NBAS: variants seen among roughly 807,000 people sequenced by gnomAD.
NBAS encodes NBAS subunit of NRZ tethering complex, also known as NAG/BC035112 fusion.
In NBAS, 219 loss-of-function variants were observed where a neutral mutation model predicts 302.5. The ratio of observed to expected loss-of-function variants is 0.72; its 90% CI spans 0.65 to 0.81. NBAS has a LOEUF of 0.81. NBAS is among the 30% of genes least tolerant of loss of function. The pLI is 0.00. For synonymous variants in NBAS, 1,118 were observed against 1,021.6 expected, an observed-to-expected ratio of 1.09 and a Z score of -1.80; for missense variants, 2,932 against 2,841.6, an observed-to-expected ratio of 1.03 and a Z score of -0.72.
At chr2:14,800,132 T>C in the NBAS span, among the ~76,000 whole-genome samples, 1 of 152,230 alleles carries the variant, frequency 6.6e-6, no homozygotes, top group African/African-American at 2.4e-5. Flanking sequence ...TCCTTTTAAC[T>C]TTTATTCTAC....
At chr2:14,791,715 A>T in the NBAS span, among the ~76,000 whole-genome samples, 4 of 152,034 alleles carry the variant, frequency 2.6e-5, no homozygotes, top group Non-Finnish European at 5.9e-5. Flanking sequence ...GAGGCAGAAG[A>T]ATCGCTTGAA....
intron 42 of NBAS, among the ~76,000 whole-genome samples, chr2:15,285,714 G>A (rs561825137): frequency 9.1e-4 from 139 of 152,124 alleles, no homozygotes; most frequent in African/African-American, 2.9e-3. Context: ...GTGCAATGGC[G>A]CGATCTCTGC....
At chr2:15,073,751 C>G in the NBAS span, among the ~76,000 whole-genome samples, 3 of 151,968 alleles carry the variant, frequency 2.0e-5, no homozygotes, top group Non-Finnish European at 4.4e-5. Context: ...TCTTTTTTAC[C>G]TAATATTAAG....
intron 6 of NBAS, among the ~76,000 whole-genome samples, chr2:15,545,363 C>T (rs1664059395): frequency 6.6e-6 from 1 of 151,982 alleles, no homozygotes; most frequent in Non-Finnish European, 1.5e-5. Flanking sequence ...AAAAAGAAAT[C>T]CATAAAACCC....
At chr2:15,124,625 G>A in the NBAS span, among the ~76,000 whole-genome samples, 1 of 152,190 alleles carries the variant, frequency 6.6e-6, no homozygotes, top group African/African-American at 2.4e-5. Flanking sequence ...GTTTCAGGGG[G>A]CAGGCCCAGG....
the NBAS span, among the ~76,000 whole-genome samples, chr2:14,882,398 A>T: frequency 2.6e-5 from 4 of 152,144 alleles, no homozygotes; most frequent in African/African-American, 9.7e-5. Flanking sequence ...ATCATTATGA[A>T]ATAGAAAGAT....
rs563221076 is a variant in NBAS at position 15,177,617 on chromosome 2, G to T, written c.6840+1371C>A. ...AATTTTTGTGAGAATGCCTAACACA[G>T]TGTACGAGGGTGGGGAGGAAAAAAA... On this transcript the variant is annotated intron_variant, in intron 51 of 51. Transcript: ENST00000281513. 3.7e-3 allele frequency among the ~76,000 whole-genome samples: 565 copies of T among 152,272 alleles called. 2 individuals are homozygous for T. The highest frequency in any genetic ancestry group is 5.0e-3 in the Non-Finnish European group (340 of 68,024).
At chr2:15,282,395 A>T (rs1242757740) in intron 42 of NBAS, among the ~76,000 whole-genome samples, 1 of 152,186 alleles carries the variant, frequency 6.6e-6, no homozygotes, top group Non-Finnish European at 1.5e-5. Context: ...TTTCTGTTTC[A>T]ATTCAGGAAA....
At chr2:15,018,612 A>C in the NBAS span, among the ~76,000 whole-genome samples, 1 of 151,752 alleles carries the variant, frequency 6.6e-6, no homozygotes, top group African/African-American at 2.4e-5. Flanking sequence ...TAAAATAAAA[A>C]GTTGTTTTGC....
intron 36 of NBAS, 137 bp from the exon 37 acceptor site, chr2:15,328,449 C>A: frequency 1.4e-6 from 1 of 731,362 alleles, no homozygotes; most frequent in South Asian, 1.6e-5. Flanking sequence ...ATGCCTGCTG[C>A]ATTTCCCACG....
intron 21 of NBAS, among the ~76,000 whole-genome samples, chr2:15,460,168 G>A (rs1289065850): frequency 6.6e-6 from 1 of 152,134 alleles, no homozygotes; most frequent in Non-Finnish European, 1.5e-5. Context: ...GTTTCCAGTA[G>A]CTGAAATTAG....
chr2:15,297,237 T>C (rs1670589990), intron 40 of NBAS, among the ~76,000 whole-genome samples: 1 of 152,216 alleles, frequency 6.6e-6, no homozygotes, highest in Non-Finnish European at 1.5e-5. Flanking sequence ...CTCCCATGCA[T>C]AATGCTTCCT....
At chr2:14,820,106 G>A in the NBAS span, among the ~76,000 whole-genome samples, 3 of 152,284 alleles carry the variant, frequency 2.0e-5, no homozygotes, top group Middle Eastern at 6.8e-3. Context: ...CACTTTGGAG[G>A]TTCCTCAAGA....
intron 35 of NBAS, among the ~76,000 whole-genome samples, chr2:15,332,467 C>A (rs1243381249): frequency 1.3e-5 from 2 of 151,766 alleles, no homozygotes; most frequent in Non-Finnish European, 2.9e-5. Flanking sequence ...CTATATTAAC[C>A]AATGCTTACA....
intron 44 of NBAS, among the ~76,000 whole-genome samples, chr2:15,257,024 A>T (rs1026847412): frequency 1.3e-5 from 2 of 151,926 alleles, no homozygotes; most frequent in Non-Finnish European, 2.9e-5. Flanking sequence ...TTTTTGTTAC[A>T]TCTTTCCTGG....
the NBAS span, among the ~76,000 whole-genome samples, chr2:14,819,708 C>A: frequency 6.6e-6 from 1 of 152,152 alleles, no homozygotes; most frequent in Non-Finnish European, 1.5e-5. Context: ...AGGTTACAAT[C>A]AACAAAGTGG....
chr2:15,372,418 G>C (rs1379528446), intron 31 of NBAS, among the ~76,000 whole-genome samples: 1 of 152,114 alleles, frequency 6.6e-6, no homozygotes, highest in African/African-American at 2.4e-5. Flanking sequence ...CTGGAGTGTA[G>C]GCAAAGAAGG....
At chr2:15,532,382 G>A (rs1269465405) in intron 9 of NBAS, among the ~76,000 whole-genome samples, 14 of 151,508 alleles carry the variant, frequency 9.2e-5, no homozygotes, top group African/African-American at 3.2e-4. Context: ...CCAGCTACTC[G>A]GGAGGCTGAG....
At chr2:15,141,094 A>T in the NBAS span, among the ~76,000 whole-genome samples, 1 of 152,048 alleles carries the variant, frequency 6.6e-6, no homozygotes, top group Non-Finnish European at 1.5e-5. Flanking sequence ...CTTTCTTGAG[A>T]TTTTTTAGGA....
Sources: gnomAD v4.1 joint callset for allele counts (sites outside exome capture counted in the v4.1 genomes callset) on GRCh38, gnomAD v4.1.1 for gene constraint, MANE v1.5 for transcripts, NCBI Gene and HGNC (gene_info 2026-07-23, HGNC 2026-07-21) for gene names.